Variants in PCDHA1 observed in about 807,000 individuals in gnomAD.
PCDHA1 encodes protocadherin alpha-1.
A neutral mutation model predicts 61.3 loss-of-function variants in PCDHA1; 42 were observed. The ratio of observed to expected loss-of-function variants is 0.69; its 90% CI spans 0.54 to 0.89. The LOEUF (loss-of-function observed/expected upper bound fraction) is 0.89, where lower values mean the gene tolerates loss of function less well. PCDHA1 is among the 40% of genes least tolerant of loss of function. The pLI is 0.00. For synonymous variants in PCDHA1, 610 were observed against 553.8 expected, an observed-to-expected ratio of 1.10 and a Z score of -1.43; for missense variants, 1,256 against 1,235.3, an observed-to-expected ratio of 1.02 and a Z score of -0.25.
At chr5:140,917,324 C>CGGG (rs1299895515) in intron 1 of PCDHA1, among the ~76,000 whole-genome samples, 10 of 76,182 alleles carry the variant, frequency 1.3e-4, no homozygotes, top group South Asian at 4.5e-4. Flanking sequence ...GTTCATGTGG[C>CGGG]GGGGGAGGGG....
chr5:140,809,343 C>A (rs1764434828), intron 1 of PCDHA1: 3 of 1,614,074 alleles, frequency 1.9e-6, no homozygotes, highest in Middle Eastern at 3.3e-4. Context: ...CTGCTGTACA[C>A]CGCGCTGCGG....
chr5:140,966,613 A>T, intron 1 of PCDHA1: 1 of 756,596 alleles, frequency 1.3e-6, no homozygotes, highest in Non-Finnish European at 1.9e-6. Flanking sequence ...GGGAGGGCCT[A>T]CGGAGGGAGC....
At chr5:140,795,814 G>A in intron 1 of PCDHA1, 1 of 1,613,750 alleles carries the variant, frequency 6.2e-7, no homozygotes, top group Non-Finnish European at 8.5e-7. Flanking sequence ...ACTCGGTAGT[G>A]ATGTGTCCTC....
intron 1 of PCDHA1, chr5:140,866,113 T>C (rs1185424072): frequency 6.6e-6 from 1 of 152,196 alleles, no homozygotes; most frequent in African/African-American, 2.4e-5. Flanking sequence ...AAGAGTTGCC[T>C]TATAAGAACT....
At chr5:140,802,746 G>T (rs2149963151) in intron 1 of PCDHA1, 18 of 1,612,620 alleles carry the variant, frequency 1.1e-5, no homozygotes, top group Non-Finnish European at 1.5e-5. Flanking sequence ...GAGCGGCAAG[G>T]TGTACGCGCT....
intron 1 of PCDHA1, among the ~76,000 whole-genome samples, chr5:140,826,728 T>C (rs1438551035): frequency 6.6e-6 from 1 of 152,160 alleles, no homozygotes; most frequent in Non-Finnish European, 1.5e-5. Flanking sequence ...GAAGAGCAAG[T>C]GGTCTATATT....
At chr5:140,884,539 G>A (rs782320700) in intron 1 of PCDHA1, 78 of 1,613,968 alleles carry the variant, frequency 4.8e-5, no homozygotes, top group Non-Finnish European at 6.2e-5. Flanking sequence ...GGCGGCCGAG[G>A]GTGTGCTCTG....
Position 140,802,709 on chromosome 5 carries a change from G to A in PCDHA1, c.2394+14025G>A, listed in dbSNP as rs781966915. 27 of 1,612,426 alleles carry A rather than the reference G, an allele frequency of 1.7e-5. No homozygotes were observed. The Admixed American group carries it at 4.2e-4, about 25-fold the overall frequency. On this transcript the variant is annotated intron_variant, in intron 1 of 3. Coordinates refer to ENST00000504120, the MANE Select transcript of PCDHA1 (RefSeq NM_018900.4). ...AACGGCGGGTGGGGGAGCGCGCGCT[G>A]TCGAGCTACGTGTCGGTACACGCGG...
At chr5:140,839,728 G>T (rs1776382427) in intron 1 of PCDHA1, among the ~76,000 whole-genome samples, 1 of 151,992 alleles carries the variant, frequency 6.6e-6, no homozygotes, top group Non-Finnish European at 1.5e-5. Flanking sequence ...TCATTTCACA[G>T]AAAATACCCT....
At chr5:140,910,525 C>T (rs531874263) in intron 1 of PCDHA1, among the ~76,000 whole-genome samples, 2 of 152,258 alleles carry the variant, frequency 1.3e-5, no homozygotes, top group African/African-American at 4.8e-5. Context: ...GCAGGTACTC[C>T]CCTCACAAAT....
At chr5:140,968,106 C>T (rs1554230344) in intron 1 of PCDHA1, 8 of 1,614,016 alleles carry the variant, frequency 5.0e-6, no homozygotes, top group East Asian at 2.2e-5. Flanking sequence ...GGGGGAATAC[C>T]GCAGCTCACA....
chr5:140,946,763 C>T (rs1453017337), intron 1 of PCDHA1, among the ~76,000 whole-genome samples: 1 of 151,160 alleles, frequency 6.6e-6, no homozygotes, highest in Non-Finnish European at 1.5e-5. Context: ...TGATCTCATT[C>T]ATGTGGAATG....
chr5:140,795,928 G>A (rs1562156062), intron 1 of PCDHA1: 5 of 1,613,978 alleles, frequency 3.1e-6, no homozygotes, highest in Non-Finnish European at 3.4e-6. Flanking sequence ...TCAGGTCACT[G>A]CAACTGACAA....
In PCDHA1 at chr5:141,010,555, C is replaced by CTG; in HGVS notation, c.*618_*619insTG. 2 of 321,156 alleles carry CTG rather than the reference C, an allele frequency of 6.2e-6. No homozygotes were observed. The highest frequency in any genetic ancestry group is 1.1e-4 in the South Asian group (2 of 18,704). 19.9% of individuals were successfully genotyped at this position (321,156 alleles called of 1,614,324 possible). On this transcript the variant is annotated 3_prime_UTR_variant, in exon 4 of 4. Coordinates refer to ENST00000504120, the MANE Select transcript of PCDHA1 (RefSeq NM_018900.4). ...ACCCTCTAGGAGACAAAACTACCCCCACTGACAAGGCTTTAGGAGACCCTA... is the reference window on the plus strand; with the variant it reads ...ACCCTCTAGGAGACAAAACTACCCCCTGACTGACAAGGCTTTAGGAGACCCTA...
intron 1 of PCDHA1, chr5:140,841,517 G>C (rs2150317250): frequency 6.2e-7 from 1 of 1,613,540 alleles, no homozygotes; most frequent in Non-Finnish European, 8.5e-7. Flanking sequence ...CCTGTTCCGG[G>C]TGGCGTCCAA....
At chr5:140,802,825 C>A (rs374629500) in intron 1 of PCDHA1, 9 of 1,613,472 alleles carry the variant, frequency 5.6e-6, no homozygotes, top group East Asian at 2.2e-5. Context: ...GCGGGCGTGC[C>A]GCCTCTGGGC....
chr5:140,920,745 G>T (rs2079798907), intron 1 of PCDHA1, among the ~76,000 whole-genome samples: 1 of 151,878 alleles, frequency 6.6e-6, no homozygotes, highest in Admixed American at 6.6e-5. Flanking sequence ...TCAGGAGGCT[G>T]AGGCAGGAGA....
chr5:140,869,465 T>G (rs1291817814), intron 1 of PCDHA1: 7 of 1,614,026 alleles, frequency 4.3e-6, no homozygotes, highest in Non-Finnish European at 5.9e-6. Context: ...CATGTGAACG[T>G]GGAGGTGAAG....
intron 1 of PCDHA1, chr5:140,926,540 T>G: frequency 4.6e-6 from 1 of 215,362 alleles, no homozygotes; most frequent in Non-Finnish European, 9.1e-6. Context: ...GCCAGCGTGG[T>G]GGTCGAGACC....
Sources: allele counts gnomAD v4.1 joint callset (sites outside exome capture counted in the v4.1 genomes callset), GRCh38; gene constraint gnomAD v4.1.1; transcripts MANE v1.5; gene names NCBI Gene and HGNC (gene_info 2026-07-23, HGNC 2026-07-21).